The following TENM4 variants were observed in gnomAD, a reference collection of about 807,000 sequenced individuals.
TENM4 encodes teneurin transmembrane protein 4.
In TENM4, 82 loss-of-function variants were observed where a neutral mutation model predicts 243.3. The ratio of observed to expected loss-of-function variants is 0.34; its 90% CI spans 0.28 to 0.40. The LOEUF (loss-of-function observed/expected upper bound fraction) is 0.40, where lower values mean the gene tolerates loss of function less well. TENM4 is among the 10% of genes least tolerant of loss of function. The probability of loss-of-function intolerance (pLI) is 1.00; values close to 1 mark genes in which losing one functional copy is unlikely to be tolerated. For missense variants in TENM4, 3,138 were observed against 3,673.3 expected, an observed-to-expected ratio of 0.85 and a Z score of 3.77; for synonymous variants, 1,412 against 1,456.3, an observed-to-expected ratio of 0.97 and a Z score of 0.69.
At chr11:78,745,853 T>C (rs568795776) in intron 19 of TENM4, among the ~76,000 whole-genome samples, 1 of 152,228 alleles carries the variant, frequency 6.6e-6, no homozygotes, top group Non-Finnish European at 1.5e-5. Context: ...CAACTTCTCA[T>C]TGTGCTTCAA....
intron 3 of TENM4, among the ~76,000 whole-genome samples, chr11:79,163,878 G>A: frequency 7.1e-6 from 1 of 139,948 alleles, no homozygotes; most frequent in South Asian, 2.2e-4. Context: ...ACACATATAT[G>A]TACATATATT....
intron 4 of TENM4, among the ~76,000 whole-genome samples, chr11:79,082,628 T>C (rs968865991): frequency 2.0e-5 from 3 of 152,152 alleles, no homozygotes; most frequent in Non-Finnish European, 1.5e-5. Flanking sequence ...AAATGCTCCA[T>C]CTAGGGCTCC....
rs186998619 is a variant in TENM4, at chr11:79,439,529, G to A, written c.-321+980C>T. Among the ~76,000 whole-genome samples, 1,054 of 152,224 alleles carry A rather than the reference G, an allele frequency of 6.9e-3. 4 individuals carry two copies. Among genetic ancestry groups the A allele is most frequent in the Non-Finnish European group, 0.011 (718 of 68,012 alleles). ...CAGTACTTTCCAACCTCGCCTAGGC[G>A]GGGGCAGGCAGAGAAGGGGCGGGCA... On this transcript the variant is annotated intron_variant, in intron 1 of 33. Coordinates refer to ENST00000278550, the MANE Select transcript of TENM4 (RefSeq NM_001098816.3).
chr11:79,364,290 T>C (rs1162106115), intron 1 of TENM4, among the ~76,000 whole-genome samples: 1 of 152,174 alleles, frequency 6.6e-6, no homozygotes, highest in Non-Finnish European at 1.5e-5. Context: ...GCACCTTCCT[T>C]AAATCTCAGC....
chr11:79,371,026 G>A (rs924233784), intron 1 of TENM4, among the ~76,000 whole-genome samples: 6 of 152,040 alleles, frequency 3.9e-5, no homozygotes, highest in African/African-American at 1.4e-4. Flanking sequence ...AACCCAAAAA[G>A]CCAACAAATG....
At chr11:79,391,555 C>A (rs1858233125) in intron 1 of TENM4, among the ~76,000 whole-genome samples, 2 of 152,196 alleles carry the variant, frequency 1.3e-5, no homozygotes, top group South Asian at 4.1e-4. Context: ...AGGCCCTTAT[C>A]AATCCTGACA....
chr11:79,047,856 G>A (rs1859696849), intron 6 of TENM4, among the ~76,000 whole-genome samples: 1 of 152,200 alleles, frequency 6.6e-6, no homozygotes, highest in Admixed American at 6.5e-5. Context: ...AAATGAGATA[G>A]TGTATTTGAA....
intron 19 of TENM4, among the ~76,000 whole-genome samples, chr11:78,750,306 T>C: frequency 6.6e-6 from 1 of 152,248 alleles, no homozygotes; most frequent in East Asian, 1.9e-4. Context: ...AATTTACTTC[T>C]CTTTTTGAAA....
At chr11:78,845,292 A>C (rs1206749430) in intron 12 of TENM4, among the ~76,000 whole-genome samples, 3 of 152,278 alleles carry the variant, frequency 2.0e-5, no homozygotes, top group African/African-American at 7.2e-5. Context: ...AAACACACTG[A>C]GTACCTACCA....
rs1308561389 is a variant in TENM4, at chr11:78,913,732, C to T, written c.494-10209G>A. Among the ~76,000 whole-genome samples the T allele has an allele frequency of 2.6e-5, 4 of 151,874 alleles. No homozygotes were observed. The East Asian group carries it at 5.8e-4, about 22-fold the overall frequency. On this transcript the variant is annotated intron_variant, in intron 6 of 33. Transcript: ENST00000278550. Reference sequence around the variant, plus strand: ...AGGCTGCATTCACAGAGGAAAAGCACGAAGAAACAGGGACGGCCATGCTGT... The same window carrying T: ...AGGCTGCATTCACAGAGGAAAAGCATGAAGAAACAGGGACGGCCATGCTGT...
At chr11:78,926,293 T>TC (rs1724272290) in intron 6 of TENM4, among the ~76,000 whole-genome samples, 4 of 150,972 alleles carry the variant, frequency 2.6e-5, no homozygotes, top group South Asian at 4.2e-4. Flanking sequence ...TTTTTTTTTT[T>TC]TGAGGCAGAG....
intron 9 of TENM4, among the ~76,000 whole-genome samples, chr11:78,888,769 G>A (rs1160482866): frequency 6.6e-6 from 1 of 152,160 alleles, no homozygotes; most frequent in Non-Finnish European, 1.5e-5. Flanking sequence ...CTGGGCTTGT[G>A]CTGAAAAAGT....
intron 4 of TENM4, among the ~76,000 whole-genome samples, chr11:79,077,339 G>T (rs1860558250): frequency 6.6e-6 from 1 of 152,116 alleles, no homozygotes; most frequent in Non-Finnish European, 1.5e-5. Context: ...AGACCATCAG[G>T]GACCACTCCC....
At chr11:78,692,407 G>A (rs1054142568) in intron 28 of TENM4, among the ~76,000 whole-genome samples, 1 of 152,150 alleles carries the variant, frequency 6.6e-6, no homozygotes, top group Non-Finnish European at 1.5e-5. Context: ...ATATAACCTC[G>A]GTGAGCCTCT....
intron 1 of TENM4, among the ~76,000 whole-genome samples, chr11:79,430,134 C>A (rs1441304754): frequency 1.3e-5 from 2 of 148,730 alleles, no homozygotes; most frequent in Non-Finnish European, 3.0e-5. Context: ...TGTCACTTAG[C>A]AGCGTTGGGC....
At chr11:79,068,497 C>CTG (rs150961207) in intron 5 of TENM4, 1,661 of 151,910 alleles carry the variant, frequency 0.011, 14 homozygotes, top group Non-Finnish European at 0.018. Context: ...TAGGTGTGCT[C>CTG]TGTGTGTGTG....
intron 25 of TENM4, among the ~76,000 whole-genome samples, chr11:78,713,295 C>T (rs1590960361): frequency 6.6e-6 from 1 of 152,156 alleles, no homozygotes; most frequent in Non-Finnish European, 1.5e-5. Context: ...CAGGAGTCTC[C>T]CTCTGGCAGT....
intron 4 of TENM4, among the ~76,000 whole-genome samples, chr11:79,125,428 G>A (rs1245654944): frequency 6.6e-6 from 1 of 151,988 alleles, no homozygotes; most frequent in African/African-American, 2.4e-5. Context: ...CTGAAATTGT[G>A]GAAAAACAGA....
At chr11:79,068,381 C>G (rs1860321818) in intron 5 of TENM4, 1 of 152,164 alleles carries the variant, frequency 6.6e-6, no homozygotes, top group African/African-American at 2.4e-5. Context: ...GGAGCCTTAA[C>G]CATAAGCTGG....
Sources: gnomAD v4.1 joint callset for allele counts (sites outside exome capture counted in the v4.1 genomes callset) on GRCh38, gnomAD v4.1.1 for gene constraint, MANE v1.5 for transcripts, NCBI Gene and HGNC (gene_info 2026-07-23, HGNC 2026-07-21) for gene names.